ARL15: variants seen among roughly 807,000 people sequenced by gnomAD.
ARL15 encodes the protein ADP-ribosylation factor-like protein 15.
In ARL15, 19 loss-of-function variants were observed where a neutral mutation model predicts 25.2. The ratio of observed to expected loss-of-function variants is 0.75; its 90% CI spans 0.53 to 1.10. The LOEUF is 1.10. Ranked by LOEUF, ARL15 falls within the 50% of genes least tolerant of loss-of-function variation. ARL15 has a pLI of 0.00. For synonymous variants in ARL15, 94 were observed against 86.8 expected (o/e 1.08, Z -0.46); for missense variants, 220 against 246.0 (o/e 0.89, Z 0.71).
chr5:54,190,216 C>T (rs1755357743), intron 1 of ARL15, among the ~76,000 whole-genome samples: 1 of 151,908 alleles, frequency 6.6e-6, no homozygotes, highest in Non-Finnish European at 1.5e-5. Flanking sequence ...CACGGTGAAA[C>T]CCCGTTTCTA....
At chr5:53,927,468 C>A (rs1229047863) in intron 4 of ARL15, among the ~76,000 whole-genome samples, 1 of 152,208 alleles carries the variant, frequency 6.6e-6, no homozygotes, top group African/African-American at 2.4e-5. Context: ...TGCTTAAGCA[C>A]CTGCCCTGGG....
rs1440759479 is a variant in ARL15 at position 53,937,414 on chromosome 5, A to G, written c.463-50701T>C. On this transcript the variant is annotated intron_variant, in intron 4 of 4. Transcript: ENST00000504924. ...TAACTCTTATGTCAGTAGTTTAAAC[A>G]ACATTTAATATTTGAGAAAAAAGCC... Among the ~76,000 whole-genome samples the G allele has an allele frequency of 5.9e-5, 9 of 152,198 alleles. No individual in the cohort carries two copies. The East Asian group carries it at 1.5e-3, about 26-fold the overall frequency.
chr5:53,901,891 C>T (rs192129874), intron 4 of ARL15, among the ~76,000 whole-genome samples: 168 of 152,268 alleles, frequency 1.1e-3, no homozygotes, highest in Non-Finnish European at 1.9e-3. Context: ...TGAGGACATT[C>T]CAGTGCTGAG....
intron 4 of ARL15, among the ~76,000 whole-genome samples, chr5:54,073,832 TGG>T (rs1233558528): frequency 6.6e-6 from 1 of 152,156 alleles, no homozygotes; most frequent in Non-Finnish European, 1.5e-5. Context: ...AGCAGCCAGG[TGG>T]GAATGTAGCA....
intron 4 of ARL15, among the ~76,000 whole-genome samples, chr5:54,108,339 G>A (rs1752646765): frequency 6.6e-6 from 1 of 152,026 alleles, no homozygotes; most frequent in Admixed American, 6.6e-5. Flanking sequence ...ATAAGTATAC[G>A]TCCCATAGGG....
intron 4 of ARL15, among the ~76,000 whole-genome samples, chr5:53,907,478 ATATATATATATTTTT>A (rs1330138781): frequency 3.8e-5 from 1 of 26,468 alleles, no homozygotes; most frequent in African/African-American, 2.0e-4. Context: ...ATATATATAT[ATATATATATATTTTT>A]TTTTTTTTTT....
intron 4 of ARL15, among the ~76,000 whole-genome samples, chr5:53,959,746 C>T (rs893062842): frequency 6.6e-6 from 1 of 152,100 alleles, no homozygotes. Context: ...CTTCCATGCT[C>T]GTGATCATCC....
intron 4 of ARL15, among the ~76,000 whole-genome samples, chr5:53,976,110 G>C (rs559772840): frequency 1.3e-5 from 2 of 152,248 alleles, no homozygotes; most frequent in South Asian, 4.1e-4. Context: ...GCACCCTCCA[G>C]GTCCCAGATA....
chr5:54,084,859 C>G (rs143026129), intron 4 of ARL15, among the ~76,000 whole-genome samples: 119 of 152,256 alleles, frequency 7.8e-4, no homozygotes, highest in African/African-American at 2.7e-3. Flanking sequence ...AGTTGAAAAA[C>G]ATCATCTTGG....
intron 1 of ARL15, among the ~76,000 whole-genome samples, chr5:54,225,091 G>A (rs1358161537): frequency 6.6e-6 from 1 of 152,204 alleles, no homozygotes; most frequent in Non-Finnish European, 1.5e-5. Flanking sequence ...TAGGGTTGCT[G>A]TAAAGATGAG....
intron 4 of ARL15, among the ~76,000 whole-genome samples, chr5:54,069,643 T>TTTTTTTA (rs1263079907): frequency 6.6e-6 from 1 of 151,484 alleles, no homozygotes; most frequent in Non-Finnish European, 1.5e-5. Context: ...AGGGAAGACT[T>TTTTTTTA]TTTTTTATTT....
intron 4 of ARL15, among the ~76,000 whole-genome samples, chr5:53,899,374 A>C (rs1241145105): frequency 4.0e-5 from 3 of 74,698 alleles, no homozygotes; most frequent in Admixed American, 1.3e-4. Context: ...AAAAAAAAAA[A>C]AAAAAAAAAA....
intron 3 of ARL15, among the ~76,000 whole-genome samples, chr5:54,147,026 A>C (rs1753932670): frequency 6.6e-6 from 1 of 152,164 alleles, no homozygotes; most frequent in Admixed American, 6.5e-5. Flanking sequence ...AAACACTTAA[A>C]CACCACCACC....
chr5:54,170,216 A>T lies in ARL15; in HGVS notation c.193+1568T>A, dbSNP rs143987841. 7.8e-4 allele frequency among the ~76,000 whole-genome samples: 118 copies of T among 152,112 alleles called. 1 individual carries two copies. Among genetic ancestry groups the T allele is most frequent in the African/African-American group, 2.6e-3 (109 of 41,482 alleles). ...TAGGCTTTGTCAATTCTAGCTCTCA[A>T]ATATATATCCTACCTATTCCTTCCT... On this transcript the variant is annotated intron_variant, in intron 2 of 4. Coordinates refer to ENST00000504924, the MANE Select transcript of ARL15 (RefSeq NM_019087.3).
intron 4 of ARL15, among the ~76,000 whole-genome samples, chr5:54,042,389 G>A (rs765570493): frequency 5.9e-5 from 9 of 152,046 alleles, no homozygotes; most frequent in Admixed American, 3.3e-4. Context: ...CTATCTTGTC[G>A]GTATCATTAT....
rs772906106 is a variant in ARL15, at chr5:54,113,215, C to G, written c.449G>C (p.Arg150Pro). 8 of 1,613,380 alleles carry G rather than the reference C, an allele frequency of 5.0e-6. No individual in the cohort carries two copies. The highest frequency in any genetic ancestry group is 2.7e-5 in the African/African-American group (2 of 74,912). The change falls in exon 4 of 5, where the codon CGC becomes CCC. Residue 150 changes from arginine (R) to proline (P), a missense_variant. Arg to Pro is a moderately radical substitution (Grantham distance 103). Transcript: ENST00000504924. ...AATGAGACATACCTCTTGTACTGAG[C>G]GAGCTGCTGGCTTGTCTTGATGATT... The part of the protein sequence containing the change: ...LANHQDKPAA[R>P]SVQEIKKYFE...
intron 4 of ARL15, among the ~76,000 whole-genome samples, chr5:54,082,567 T>C (rs893228527): frequency 2.6e-5 from 4 of 152,190 alleles, no homozygotes; most frequent in African/African-American, 9.7e-5. Flanking sequence ...ATGTTCTATC[T>C]TCCAGAGATA....
chr5:54,101,033 T>C (rs1246182912), intron 4 of ARL15, among the ~76,000 whole-genome samples: 2 of 152,086 alleles, frequency 1.3e-5, no homozygotes, highest in Non-Finnish European at 2.9e-5. Context: ...AAATACATTT[T>C]CTATAGAACC....
chr5:54,008,964 C>T (rs2111770562), intron 4 of ARL15, among the ~76,000 whole-genome samples: 1 of 152,194 alleles, frequency 6.6e-6, no homozygotes, highest in East Asian at 1.9e-4. Context: ...GAACTAGACA[C>T]TAGAAATTAT....
Sources: gnomAD v4.1 joint callset for allele counts (sites outside exome capture counted in the v4.1 genomes callset) on GRCh38, gnomAD v4.1.1 for gene constraint, MANE v1.5 for transcripts, NCBI Gene and HGNC (gene_info 2026-07-23, HGNC 2026-07-21) for gene names.